The following CCDC66 variants were observed in gnomAD, a reference collection of about 807,000 sequenced individuals.
CCDC66 encodes the protein coiled-coil domain-containing protein 66.
In CCDC66, 133 loss-of-function variants were observed where a neutral mutation model predicts 128.3. The ratio of observed to expected loss-of-function variants is 1.04; its 90% CI spans 0.90 to 1.20. The LOEUF (loss-of-function observed/expected upper bound fraction) is 1.20. Ranked by LOEUF, CCDC66 falls within the 50% of genes most tolerant of loss-of-function variation. The pLI, the probability that CCDC66 is intolerant of heterozygous loss-of-function variation, is 0.00. For synonymous variants in CCDC66, 387 were observed against 357.0 expected, an observed-to-expected ratio of 1.08 and a Z score of -0.95; for missense variants, 1,126 against 1,075.5, an observed-to-expected ratio of 1.05 and a Z score of -0.66.
chr3:56,579,316 T>C (rs1398429242), intron 7 of CCDC66, among the ~76,000 whole-genome samples: 2 of 151,836 alleles, frequency 1.3e-5, no homozygotes, highest in African/African-American at 4.8e-5. Context: ...TTATTAGTCT[T>C]GCTAGTGGTC....
At chr3:56,589,230 T>G (rs1158290906) in intron 7 of CCDC66, among the ~76,000 whole-genome samples, 1 of 152,128 alleles carries the variant, frequency 6.6e-6, no homozygotes, top group Admixed American at 6.6e-5. Context: ...AAAACATAGA[T>G]TACTAAAATT....
intron 10 of CCDC66, among the ~76,000 whole-genome samples, chr3:56,607,295 G>C (rs2074210669): frequency 6.6e-6 from 1 of 152,092 alleles, no homozygotes; most frequent in Non-Finnish European, 1.5e-5. Flanking sequence ...GTTTCCATTT[G>C]TTTGTGTAAT....
At chr3:56,574,787 T>C (rs1222336668) in intron 7 of CCDC66, among the ~76,000 whole-genome samples, 1 of 151,856 alleles carries the variant, frequency 6.6e-6, no homozygotes, top group African/African-American at 2.4e-5. Context: ...GTTCAAGTGA[T>C]TCTCCTGTCT....
rs2071327762 is a variant in CCDC66 at position 56,593,584 on chromosome 3, C to T, written c.1162C>T (p.Gln388Ter). ...GCTGTTCTCTCAGTCAACACACAAA[C>T]AACCTGAGTACTTCTGTGTCTCTCC... ...SQLFSQSTHK[Q>*]PEYFCVSPDT... Residue 388 changes from glutamine to a stop codon, truncating the protein, a stop_gained, in exon 9 of 18, where the codon CAA becomes TAA. Coordinates refer to ENST00000394672, the MANE Select transcript of CCDC66 (RefSeq NM_001141947.3). LOFTEE classifies it high-confidence loss of function. 1 of 1,614,206 alleles carries T rather than the reference C, an allele frequency of 6.2e-7. No individual in the cohort carries two copies. Among genetic ancestry groups the T allele is most frequent in the South Asian group, 1.1e-5 (1 of 91,088 alleles).
At chr3:56,557,171 T>G, upstream of CCDC66, 1 of 1,548,220 alleles carries the variant, frequency 6.5e-7, no homozygotes, top group Non-Finnish European at 8.7e-7. Flanking sequence ...GCGTAGCGCT[T>G]GCTGAGCGGC....
At chr3:56,614,199 G>A (rs781403594) in intron 11 of CCDC66, among the ~76,000 whole-genome samples, 10 of 152,210 alleles carry the variant, frequency 6.6e-5, no homozygotes, top group Non-Finnish European at 2.9e-5. Flanking sequence ...AGAAGCTTGA[G>A]AAAGTTTTAT....
In CCDC66 at chr3:56,581,050, A is replaced by G. The variant is rs558435075; in HGVS notation, c.936+9748A>G. ...TCCCCATCACTTTCAGGTACACGAGATGTAGATTTGGTCTTTTCACATAGT... is the reference window on the plus strand; with the variant it reads ...TCCCCATCACTTTCAGGTACACGAGGTGTAGATTTGGTCTTTTCACATAGT... On this transcript the variant is annotated intron_variant, in intron 7 of 17. Transcript: ENST00000394672. 7.3e-5 allele frequency among the ~76,000 whole-genome samples: 11 copies of G among 151,480 alleles called. 1 individual carries two copies. The East Asian group carries it at 2.2e-3, about 30-fold the overall frequency.
intron 10 of CCDC66, among the ~76,000 whole-genome samples, chr3:56,598,644 A>T (rs988929508): frequency 7.9e-5 from 12 of 151,930 alleles, no homozygotes; most frequent in African/African-American, 2.7e-4. Flanking sequence ...AATTTTGTGA[A>T]ATGTTTTTTC....
At chr3:56,594,246 A>G (rs2071446527) in intron 10 of CCDC66, among the ~76,000 whole-genome samples, 1 of 152,058 alleles carries the variant, frequency 6.6e-6, no homozygotes, top group Admixed American at 6.6e-5. Flanking sequence ...GAAGGTCTTT[A>G]ATATATTAAG....
Position 56,617,610 on chromosome 3 carries a change from A to G in CCDC66, c.2337+5A>G. 6.3e-7 allele frequency: 1 copy of G among 1,587,372 alleles called. No homozygotes were observed. Among genetic ancestry groups the G allele is most frequent in the Non-Finnish European group, 8.5e-7 (1 of 1,171,626 alleles). On this transcript the variant is annotated splice_donor_5th_base_variant and intron_variant, in intron 14 of 17. Transcript: ENST00000394672. ...AGGTGGCATCTAGTCAAAAAGGTAA[A>G]GCTCTTCCATCTTAGATGATGTGTT...
rs201097901 is a variant in CCDC66 at position 56,615,191 on chromosome 3, C to G, written c.1630C>G (p.Gln544Glu). 4.8e-5 allele frequency: 77 copies of G among 1,613,898 alleles called. No individual in the cohort carries two copies. The highest frequency in any genetic ancestry group is 1.0e-4 in the Admixed American group (6 of 60,008). ...AATGCAGCGAGCACAGGAACTGGCA[C>G]AGAGACTAAAACAAGAACAAAGAAT... The part of the protein sequence containing the change: ...QTMQRAQELA[Q>E]RLKQEQRIRE... Residue 544 changes from glutamine (Q) to glutamate (E), a missense_variant, in exon 12 of 18, where the codon CAG (glutamine) becomes GAG (glutamate). Coordinates refer to ENST00000394672, the MANE Select transcript of CCDC66 (RefSeq NM_001141947.3).
In CCDC66 at chr3:56,579,581, A is replaced by G. The variant is rs1270728294; in HGVS notation, c.936+8279A>G. On this transcript the variant is annotated intron_variant, in intron 7 of 17. Transcript: ENST00000394672. ...AATTTCCCTCTACACACTGCTTTGA[A>G]TGTGTCCCAGAGATTCTGGTATGTT... is the stretch of plus-strand genomic sequence containing the variant. 2.6e-5 allele frequency among the ~76,000 whole-genome samples: 4 copies of G among 151,068 alleles called. 1 individual carries two copies.
chr3:56,608,886 TATTTA>T (rs1347628221), intron 10 of CCDC66, among the ~76,000 whole-genome samples: 1 of 152,226 alleles, frequency 6.6e-6, no homozygotes, highest in Non-Finnish European at 1.5e-5. Flanking sequence ...AGGAGCAATT[TATTTA>T]ATTTCCATGT....
intron 7 of CCDC66, among the ~76,000 whole-genome samples, chr3:56,588,965 A>G (rs1188797849): frequency 2.0e-5 from 3 of 152,208 alleles, no homozygotes; most frequent in African/African-American, 7.2e-5. Flanking sequence ...AGGTTAGAGA[A>G]AGAACAGCAA....
At position 56,563,747 on chromosome 3, in the gene CCDC66, T is replaced by A; in HGVS notation, c.166T>A (p.Ser56Thr). The A allele has an allele frequency of 6.4e-7, 1 of 1,551,598 alleles. No homozygotes were observed. Among genetic ancestry groups the A allele is most frequent in the Non-Finnish European group, 8.7e-7 (1 of 1,146,948 alleles). The change falls in exon 4 of 18, where the codon TCA becomes ACA. Residue 56 changes from serine (S) to threonine (T), a missense_variant. Physicochemically the swap from Ser to Thr is moderately conservative, Grantham distance 58. Coordinates refer to ENST00000394672, the MANE Select transcript of CCDC66 (RefSeq NM_001141947.3). ...LRTKTGHILK[S>T]TQDTCIGSEK... ...AACAAAAACTGGGCACATTCTAAAA[T>A]CAACACAAGATACTTGTATTGGGAG...
Position 56,557,253 on chromosome 3 carries a change from G to GGTAAGCAGGA in CCDC66, c.11+9_11+10insAGTAAGCAGG, listed in dbSNP as rs773776177. Reference sequence around the variant, plus strand: ...GTGCGAGGTCAGGCCATGAACTTGGGGTAAGCAGGGGTAAGCTGGGGTAAG... The same window carrying GGTAAGCAGGA: ...GTGCGAGGTCAGGCCATGAACTTGGGGTAAGCAGGAGTAAGCAGGGGTAAGCTGGGGTAAG... On this transcript the variant is annotated stop_gained and frameshift_variant and splice_region_variant. Transcript: ENST00000394672. LOFTEE classifies it high-confidence loss of function. 4 of 1,548,216 alleles carry GGTAAGCAGGA rather than the reference G, an allele frequency of 2.6e-6. No homozygotes were observed. Among genetic ancestry groups the GGTAAGCAGGA allele is most frequent in the Non-Finnish European group, 3.5e-6 (4 of 1,145,446 alleles).
chr3:56,586,541 A>AG (rs1460142082), intron 7 of CCDC66, among the ~76,000 whole-genome samples: 1 of 151,452 alleles, frequency 6.6e-6, no homozygotes, highest in East Asian at 2.0e-4. Context: ...AAAAAAAAAA[A>AG]AGAAAAAAAG....
At chr3:56,600,828 T>TG (rs1559724572) in intron 10 of CCDC66, among the ~76,000 whole-genome samples, 1 of 152,120 alleles carries the variant, frequency 6.6e-6, no homozygotes. Context: ...TTGATGGGGT[T>TG]GTTTTTTTCT....
rs533063376 is a variant in CCDC66, at chr3:56,558,908, A to ATGGTAT, written c.75_76+4dup. 9.9e-4 allele frequency: 1,533 copies of ATGGTAT among 1,542,852 alleles called. 2 individuals are homozygous for ATGGTAT. The highest frequency in any genetic ancestry group is 1.0e-3 in the Non-Finnish European group (1,181 of 1,140,422). ...AAAACCAAGCTAATATTGTCTCCAT[A>ATGGTAT]TGGTATGTTGTGTTACAGAAATCTG... On this transcript the variant is annotated inframe_insertion and splice_region_variant, in exon 2 of 18. Transcript: ENST00000394672.
Sources: gnomAD v4.1 joint callset for allele counts (sites outside exome capture counted in the v4.1 genomes callset) on GRCh38, gnomAD v4.1.1 for gene constraint, MANE v1.5 for transcripts, NCBI Gene and HGNC (gene_info 2026-07-23, HGNC 2026-07-21) for gene names.